Variants in HTR4 observed in about 807,000 individuals in gnomAD.
HTR4 encodes 5-hydroxytryptamine (serotonin) receptor 4, G protein-coupled.
In HTR4, 16 loss-of-function variants were observed where a neutral mutation model predicts 36.8. That is an observed-to-expected ratio of 0.43 (90% CI 0.29 to 0.66). The LOEUF (loss-of-function observed/expected upper bound fraction) is 0.66. Among genes scored for constraint, HTR4 ranks in the 30% least tolerant of loss-of-function variants. The pLI is 0.13. For missense variants in HTR4, 438 were observed against 490.9 expected (o/e 0.89, Z 1.02); for synonymous variants, 189 against 185.1 (o/e 1.02, Z -0.17).
downstream of HTR4, chr5:148,481,398 G>C: frequency 1.5e-6 from 1 of 653,538 alleles, no homozygotes; most frequent in Non-Finnish European, 2.6e-6. Context: ...GAGAATCCCA[G>C]TCTACACAAA....
chr5:148,481,330 A>C (rs1345429939), downstream of HTR4: 1 of 544,418 alleles, frequency 1.8e-6, no homozygotes. Context: ...AATTTAAATA[A>C]ACTTTCTTCA....
intron 4 of HTR4, among the ~76,000 whole-genome samples, chr5:148,524,381 G>A (rs561677114): frequency 9.2e-5 from 14 of 152,266 alleles, no homozygotes; most frequent in African/African-American, 3.1e-4. Context: ...ATCATTTCCT[G>A]TCTACTGGAT....
chr5:148,507,972 G>A (rs571537651), intron 6 of HTR4, among the ~76,000 whole-genome samples: 2 of 152,172 alleles, frequency 1.3e-5, no homozygotes, highest in Non-Finnish European at 1.5e-5. Flanking sequence ...AGAGAATGTC[G>A]GTTTCTAGGA....
Position 148,548,851 on chromosome 5 carries a change from T to C in HTR4, c.170A>G (p.Tyr57Cys). The C allele has an allele frequency of 6.2e-7, 1 of 1,613,316 alleles. No homozygotes were observed. The highest frequency in any genetic ancestry group is 8.5e-7 in the Non-Finnish European group (1 of 1,179,758). ...CGCAAAAGCAAGAGATACAATGAAA[T>C]AATTTGTTTTTATTTTCCTGTGAGT... ...DRQLRKIKTN[Y>C]FIVSLAFADL... The change falls in exon 4 of 7, where the codon TAT becomes TGT. Residue 57 changes from tyrosine (Y) to cysteine (C), a missense_variant. Physicochemically the swap from Tyr to Cys is radical, Grantham distance 194. Transcript: ENST00000377888.
intron 6 of HTR4, chr5:148,490,560 C>CA (rs369133812): frequency 8.0e-6 from 9 of 1,119,364 alleles, no homozygotes; most frequent in Admixed American, 4.9e-5. Context: ...CACAGAATCA[C>CA]AAAAAAAGGG....
At chr5:148,510,128 G>A (rs901495919) in intron 5 of HTR4, 104 bp from the exon 6 acceptor site, 1 of 693,494 alleles carries the variant, frequency 1.4e-6, no homozygotes, top group Non-Finnish European at 2.4e-6. Flanking sequence ...AAAGAAAAAG[G>A]GAAAAGGAAG....
At chr5:148,632,848 C>T (rs576550403) in intron 2 of HTR4, among the ~76,000 whole-genome samples, 1 of 152,152 alleles carries the variant, frequency 6.6e-6, no homozygotes, top group Non-Finnish European at 1.5e-5. Flanking sequence ...ACATCAAAAG[C>T]ATAGCTGTTT....
At chr5:148,473,027 C>T (rs993950299), downstream of HTR4, among the ~76,000 whole-genome samples, 18 of 152,080 alleles carry the variant, frequency 1.2e-4, no homozygotes, top group Non-Finnish European at 1.9e-4. Flanking sequence ...AGGCTGGGCG[C>T]GGTGGCTTGT....
intron 5 of HTR4, among the ~76,000 whole-genome samples, chr5:148,462,781 G>A (rs1410017809): frequency 6.6e-6 from 1 of 151,988 alleles, no homozygotes; most frequent in Non-Finnish European, 1.5e-5. Context: ...AGCAAATCAA[G>A]TCTAACAATG....
chr5:148,529,586 C>A (rs1376972489), intron 4 of HTR4, among the ~76,000 whole-genome samples: 2 of 152,182 alleles, frequency 1.3e-5, no homozygotes, highest in Non-Finnish European at 1.5e-5. Flanking sequence ...GTAAATTGCC[C>A]AGTCTTGGGT....
At chr5:148,458,100 A>AT (rs1561558878) in intron 5 of HTR4, among the ~76,000 whole-genome samples, 1 of 53,496 alleles carries the variant, frequency 1.9e-5, no homozygotes, top group African/African-American at 4.8e-5. Flanking sequence ...TTATATTTTA[A>AT]TATCTATTAA....
intron 2 of HTR4, among the ~76,000 whole-genome samples, chr5:148,569,776 T>A (rs566939313): frequency 6.6e-6 from 1 of 152,082 alleles, no homozygotes; most frequent in East Asian, 1.9e-4. Context: ...TATGCATACA[T>A]ATACACATAT....
intron 2 of HTR4, among the ~76,000 whole-genome samples, chr5:148,573,638 C>T (rs1000341505): frequency 1.3e-5 from 2 of 152,012 alleles, no homozygotes; most frequent in Non-Finnish European, 2.9e-5. Context: ...TGCAAATCTA[C>T]AATGAACAAC....
chr5:148,572,500 T>C (rs1339632688), intron 2 of HTR4, among the ~76,000 whole-genome samples: 1 of 152,014 alleles, frequency 6.6e-6, no homozygotes, highest in East Asian at 1.9e-4. Context: ...AACAGTAAAA[T>C]ACATAATATG....
intron 2 of HTR4, among the ~76,000 whole-genome samples, chr5:148,608,865 G>A (rs566524617): frequency 2.6e-5 from 4 of 152,284 alleles, no homozygotes; most frequent in African/African-American, 4.8e-5. Context: ...TAAGGAGGTC[G>A]AAGCAGTAGG....
At chr5:148,523,646 T>G (rs1758130293) in intron 4 of HTR4, among the ~76,000 whole-genome samples, 1 of 152,140 alleles carries the variant, frequency 6.6e-6, no homozygotes, top group Admixed American at 6.5e-5. Flanking sequence ...TACTGGCCTG[T>G]GAGTTTCTGT....
chr5:148,653,589 A>G (rs1561669811), intron 1 of HTR4, among the ~76,000 whole-genome samples: 1 of 145,790 alleles, frequency 6.9e-6, no homozygotes, highest in African/African-American at 2.6e-5. Flanking sequence ...AAGACACACT[A>G]TCTTGTCTCT....
chr5:148,637,115 C>T, intron 1 of HTR4, 54 bp from the exon 2 acceptor site: 1 of 1,189,976 alleles, frequency 8.4e-7, no homozygotes, highest in South Asian at 1.3e-5. Context: ...TTGAAAAATA[C>T]AAGTCCTTGT....
chr5:148,625,220 C>A (rs1407404899), intron 2 of HTR4, among the ~76,000 whole-genome samples: 1 of 152,006 alleles, frequency 6.6e-6, no homozygotes, highest in African/African-American at 2.4e-5. Flanking sequence ...GCCAATCATG[C>A]AGAAAAGAGG....
Sources: gnomAD v4.1 joint callset for allele counts (sites outside exome capture counted in the v4.1 genomes callset) on GRCh38, gnomAD v4.1.1 for gene constraint, MANE v1.5 for transcripts, NCBI Gene and HGNC (gene_info 2026-07-23, HGNC 2026-07-21) for gene names.